Variants in KATNIP observed in about 807,000 individuals in gnomAD.
KATNIP encodes katanin interacting protein, also known as katanin-interacting protein.
KATNIP carries 126 observed loss-of-function variants against 174.0 expected under a neutral mutation model. The observed-to-expected ratio is 0.72, with a 90% CI of 0.63 to 0.84. The LOEUF is 0.84. Ranked by LOEUF, KATNIP falls within the 40% of genes least tolerant of loss-of-function variation. The pLI, the probability that KATNIP is intolerant of heterozygous loss-of-function variation, is 0.00. For missense variants in KATNIP, 1,958 were observed against 2,109.7 expected, an observed-to-expected ratio of 0.93 and a Z score of 1.41; for synonymous variants, 810 against 835.7, an observed-to-expected ratio of 0.97 and a Z score of 0.53.
At chr16:27,565,427 C>T (rs2090046831) in intron 1 of KATNIP, among the ~76,000 whole-genome samples, 1 of 149,376 alleles carries the variant, frequency 6.7e-6, no homozygotes, top group Non-Finnish European at 1.5e-5. Context: ...GATTGCGCCA[C>T]TGCACTCCAG....
chr16:27,664,076 T>C (rs1232248308), intron 6 of KATNIP, among the ~76,000 whole-genome samples: 1 of 152,162 alleles, frequency 6.6e-6, no homozygotes, highest in African/African-American at 2.4e-5. Context: ...CCTCCCAAAG[T>C]GCTGTAATTA....
intron 15 of KATNIP, among the ~76,000 whole-genome samples, chr16:27,747,118 C>A (rs1456541046): frequency 6.6e-6 from 1 of 152,180 alleles, no homozygotes; most frequent in African/African-American, 2.4e-5. Flanking sequence ...AGGAGAGGAG[C>A]GGCCTGGGCC....
At chr16:27,663,998 G>A (rs896878567) in intron 6 of KATNIP, among the ~76,000 whole-genome samples, 11 of 151,876 alleles carry the variant, frequency 7.2e-5, no homozygotes, top group African/African-American at 2.4e-4. Context: ...TTTTCTTAGA[G>A]ACAGGGACTT....
chr16:27,615,173 G>A (rs1038277515), intron 2 of KATNIP, among the ~76,000 whole-genome samples: 1 of 152,070 alleles, frequency 6.6e-6, no homozygotes, highest in Non-Finnish European at 1.5e-5. Flanking sequence ...CTGTTGCCCA[G>A]GCTGCAGTGC....
rs774213842 is a variant in KATNIP, at chr16:27,642,274, A to G, written c.409-6330A>G. ...CTATATGTCCTTTGTAGGGACATGG[A>G]TGAATGCTGGAATCATTCTCAGCAA... On this transcript the variant is annotated intron_variant, in intron 5 of 27. Coordinates refer to ENST00000261588, the MANE Select transcript of KATNIP (RefSeq NM_015202.5). Among the ~76,000 whole-genome samples the G allele has an allele frequency of 1.0e-3, 153 of 152,330 alleles. 1 individual carries two copies. The highest frequency in any genetic ancestry group is 2.0e-3 in the Non-Finnish European group (136 of 68,022).
chr16:27,626,844 G>C (rs1567224813), intron 3 of KATNIP, among the ~76,000 whole-genome samples: 2 of 151,970 alleles, frequency 1.3e-5, no homozygotes, highest in Admixed American at 1.3e-4. Flanking sequence ...TGTAGTCCAA[G>C]CTACCTGGGA....
intron 5 of KATNIP, among the ~76,000 whole-genome samples, chr16:27,634,103 G>C (rs141179558): frequency 5.0e-4 from 76 of 152,306 alleles, no homozygotes; most frequent in South Asian, 1.0e-3. Context: ...TTGTGTCTTA[G>C]ATTGTGGCTT....
At chr16:27,585,025 A>G (rs2090841280) in intron 2 of KATNIP, among the ~76,000 whole-genome samples, 1 of 152,108 alleles carries the variant, frequency 6.6e-6, no homozygotes, top group South Asian at 2.1e-4. Context: ...GGCCCTTGCT[A>G]CTGGTTTACA....
intron 8 of KATNIP, among the ~76,000 whole-genome samples, chr16:27,696,663 C>T (rs926093363): frequency 2.0e-5 from 3 of 151,886 alleles, no homozygotes; most frequent in African/African-American, 7.3e-5. Flanking sequence ...GCAGAGAACA[C>T]GATCTCATTC....
intron 14 of KATNIP, among the ~76,000 whole-genome samples, chr16:27,732,655 C>T (rs1407951695): frequency 1.3e-5 from 2 of 152,110 alleles, no homozygotes; most frequent in East Asian, 1.9e-4. Flanking sequence ...GGAGTCAGCC[C>T]TTGAGCCAGG....
At chr16:27,563,753 C>T (rs2089976701) in intron 1 of KATNIP, among the ~76,000 whole-genome samples, 1 of 151,834 alleles carries the variant, frequency 6.6e-6, no homozygotes, top group Non-Finnish European at 1.5e-5. Flanking sequence ...TACTAGGTGG[C>T]TGTTGAAAAA....
intron 19 of KATNIP, among the ~76,000 whole-genome samples, chr16:27,764,029 C>G (rs984205154): frequency 3.3e-5 from 5 of 152,246 alleles, no homozygotes; most frequent in Admixed American, 6.5e-5. Flanking sequence ...TTGCCAGGCT[C>G]TTTGTGATGT....
At chr16:27,770,570 G>C (rs577711342) in intron 21 of KATNIP, among the ~76,000 whole-genome samples, 4 of 152,336 alleles carry the variant, frequency 2.6e-5, no homozygotes, top group African/African-American at 9.6e-5. Flanking sequence ...GGGTTGGCTG[G>C]CTGGGCTGGT....
At chr16:27,771,900 C>A (rs945414704) in intron 22 of KATNIP, among the ~76,000 whole-genome samples, 1 of 152,114 alleles carries the variant, frequency 6.6e-6, no homozygotes, top group Non-Finnish European at 1.5e-5. Context: ...CTGGGAGGGG[C>A]TAGAGAAGCT....
At chr16:27,631,004 C>A in intron 4 of KATNIP, 61 bp from the exon 5 acceptor site, 1 of 1,351,792 alleles carries the variant, frequency 7.4e-7, no homozygotes, top group Non-Finnish European at 1.0e-6. Context: ...ACAAACCAAC[C>A]CAGTACTGTG....
At chr16:27,567,681 G>A (rs2090141151) in intron 1 of KATNIP, among the ~76,000 whole-genome samples, 1 of 152,138 alleles carries the variant, frequency 6.6e-6, no homozygotes, top group Non-Finnish European at 1.5e-5. Flanking sequence ...CTGCCACCAC[G>A]CCTGGGTAAT....
intron 14 of KATNIP, among the ~76,000 whole-genome samples, chr16:27,728,472 C>G (rs952553416): frequency 6.6e-6 from 1 of 152,150 alleles, no homozygotes; most frequent in Non-Finnish European, 1.5e-5. Flanking sequence ...GCTTTGTCAC[C>G]CAGGCTGGAG....
rs2144169157 is a variant in KATNIP at position 27,769,880 on chromosome 16, C to T, written c.3995C>T (p.Ser1332Phe). ...TGCCAGGCCAAGATTGTCCACGTCT[C>T]CCTGGATGGCCTGTGCGTCTCCCCG... ...TYRGAKIVHV[S>F]LDGLCVSPPE... is the part of the protein sequence containing the mutation. Residue 1332 changes from serine (S) to phenylalanine (F), a missense_variant, in exon 21 of 28, where the codon TCC (serine) becomes TTC (phenylalanine). Ser to Phe is a radical substitution (Grantham distance 155). This residue lies in a region of KATNIP where 383 missense variants were observed against 456.0 expected (regional missense o/e 0.84). Transcript: ENST00000261588. 6.2e-7 allele frequency: 1 copy of T among 1,614,150 alleles called. No individual in the cohort carries two copies. Among genetic ancestry groups the T allele is most frequent in the South Asian group, 1.1e-5 (1 of 91,078 alleles).
intron 9 of KATNIP, 116 bp downstream of exon 9, chr16:27,698,616 C>A: frequency 9.8e-7 from 1 of 1,018,924 alleles, no homozygotes; most frequent in Non-Finnish European, 1.4e-6. Flanking sequence ...CATCGCTGAC[C>A]CCAGACTCAT....
Sources: allele counts gnomAD v4.1 joint callset (sites outside exome capture counted in the v4.1 genomes callset), GRCh38; gene constraint gnomAD v4.1.1; regional missense constraint gnomAD v4.1.1; transcripts MANE v1.5; gene names NCBI Gene and HGNC (gene_info 2026-07-23, HGNC 2026-07-21).